EXOC4: variants seen among roughly 807,000 people sequenced by gnomAD.
EXOC4 encodes SEC8-like 1.
A neutral mutation model predicts 107.2 loss-of-function variants in EXOC4; 71 were observed. The observed-to-expected ratio is 0.66, with a 90% CI of 0.55 to 0.81. The LOEUF (loss-of-function observed/expected upper bound fraction) is 0.81, where lower values mean the gene tolerates loss of function less well. Ranked by LOEUF, EXOC4 falls within the 30% of genes least tolerant of loss-of-function variation. The probability of loss-of-function intolerance (pLI) is 0.00; values close to 1 mark genes in which losing one functional copy is unlikely to be tolerated. For missense variants in EXOC4, 1,108 were observed against 1,189.6 expected (o/e 0.93, Z 1.01); for synonymous variants, 456 against 441.2 (o/e 1.03, Z -0.42).
At chr7:133,948,044 C>G (rs191758216) in intron 14 of EXOC4, among the ~76,000 whole-genome samples, 1 of 152,276 alleles carries the variant, frequency 6.6e-6, no homozygotes, top group African/African-American at 2.4e-5. Context: ...AGAGCCTGAG[C>G]CGACACCCAG....
intron 10 of EXOC4, among the ~76,000 whole-genome samples, chr7:133,769,535 G>C (rs1796204099): frequency 6.6e-6 from 1 of 151,590 alleles, no homozygotes; most frequent in South Asian, 2.1e-4. Context: ...GCTGTGCCTT[G>C]AGCCATGTAG....
chr7:134,071,381 C>A (rs570164184), downstream of EXOC4, among the ~76,000 whole-genome samples: 9 of 152,270 alleles, frequency 5.9e-5, no homozygotes, highest in African/African-American at 2.2e-4. Flanking sequence ...GACTTTATTT[C>A]AGGAAGCCAG....
chr7:133,522,476 A>G (rs909911741), intron 9 of EXOC4, among the ~76,000 whole-genome samples: 1 of 152,156 alleles, frequency 6.6e-6, no homozygotes, highest in Non-Finnish European at 1.5e-5. Context: ...TTCATTTTGT[A>G]TGGAACTCTT....
intron 10 of EXOC4, among the ~76,000 whole-genome samples, chr7:133,721,518 A>G (rs1040134229): frequency 1.3e-5 from 2 of 152,218 alleles, no homozygotes; most frequent in Non-Finnish European, 2.9e-5. Context: ...GACATAGGCC[A>G]GTTTAAGATT....
At chr7:133,500,967 A>G (rs1271626261) in intron 9 of EXOC4, among the ~76,000 whole-genome samples, 1 of 152,210 alleles carries the variant, frequency 6.6e-6, no homozygotes, top group Non-Finnish European at 1.5e-5. Flanking sequence ...CATGTCTTTT[A>G]GAATAACTTG....
chr7:133,563,615 T>C (rs998366390), intron 9 of EXOC4, among the ~76,000 whole-genome samples: 1 of 152,200 alleles, frequency 6.6e-6, no homozygotes, highest in African/African-American at 2.4e-5. Flanking sequence ...TGTAGCCTAG[T>C]TATGTGTAGC....
intron 11 of EXOC4, among the ~76,000 whole-genome samples, chr7:133,876,466 AG>A (rs1437654255): frequency 6.6e-6 from 1 of 152,124 alleles, no homozygotes; most frequent in Non-Finnish European, 1.5e-5. Context: ...TATGTTTCTT[AG>A]CTTAGCTTTT....
At chr7:133,980,716 G>A (rs911817880) in intron 14 of EXOC4, among the ~76,000 whole-genome samples, 3 of 152,124 alleles carry the variant, frequency 2.0e-5, no homozygotes, top group African/African-American at 7.2e-5. Context: ...TCTCCATGTA[G>A]CTTACTCTCA....
chr7:133,424,222 C>T (rs1447513765), intron 7 of EXOC4, among the ~76,000 whole-genome samples: 2 of 152,158 alleles, frequency 1.3e-5, no homozygotes, highest in Non-Finnish European at 2.9e-5. Context: ...TGCTGCTGCT[C>T]ACTCTTTGGG....
chr7:133,271,582 G>C (rs1218989692), intron 1 of EXOC4, among the ~76,000 whole-genome samples: 1 of 152,206 alleles, frequency 6.6e-6, no homozygotes, highest in Non-Finnish European at 1.5e-5. Context: ...GGGCAGATGT[G>C]TTTCCAGTCC....
chr7:133,965,553 C>T (rs914933439), intron 14 of EXOC4, among the ~76,000 whole-genome samples: 4 of 152,124 alleles, frequency 2.6e-5, no homozygotes, highest in Admixed American at 6.5e-5. Context: ...ATATGGCTGC[C>T]AGTTTTCCCA....
At chr7:133,751,412 C>G (rs1795790988) in intron 10 of EXOC4, among the ~76,000 whole-genome samples, 1 of 152,098 alleles carries the variant, frequency 6.6e-6, no homozygotes, top group South Asian at 2.1e-4. Flanking sequence ...ACACATAGCC[C>G]AAAATAGTTT....
chr7:134,038,468 C>T (rs17167401), intron 17 of EXOC4, among the ~76,000 whole-genome samples: 23,113 of 152,046 alleles, frequency 0.15, 2,086 homozygotes, highest in East Asian at 0.42. Context: ...GTTGGACTCT[C>T]GTTTCTTTTA....
intron 10 of EXOC4, among the ~76,000 whole-genome samples, chr7:133,675,818 G>A (rs1794044674): frequency 6.6e-6 from 1 of 152,050 alleles, no homozygotes; most frequent in Admixed American, 6.5e-5. Flanking sequence ...TTCCTTTGTT[G>A]GACAGCTTTA....
chr7:134,092,827 G>A, the EXOC4 span, among the ~76,000 whole-genome samples: 22 of 150,824 alleles, frequency 1.5e-4, no homozygotes, highest in African/African-American at 4.9e-4. Context: ...AGAGGCTGAG[G>A]CAGGAGAATT....
chr7:133,945,380 C>T (rs1330994326), intron 14 of EXOC4, among the ~76,000 whole-genome samples: 1 of 152,144 alleles, frequency 6.6e-6, no homozygotes, highest in Non-Finnish European at 1.5e-5. Flanking sequence ...ATTATTTTGC[C>T]AGTTCTTCTA....
In EXOC4 at chr7:133,670,457, G is replaced by A. The variant is rs184004391; in HGVS notation, c.1514+40316G>A. Among the ~76,000 whole-genome samples, 321 of 152,276 alleles carry A rather than the reference G, an allele frequency of 2.1e-3. 1 individual carries two copies. Among genetic ancestry groups the A allele is most frequent in the Non-Finnish European group, 2.6e-3 (179 of 68,018 alleles). On this transcript the variant is annotated intron_variant, in intron 10 of 17. Transcript: ENST00000253861. Reference sequence around the variant, plus strand: ...TGCATGCTCTTGGCCTATTGCTAACGAGCAGGCAGAGAAACAGCAGCAGTA... The same window carrying A: ...TGCATGCTCTTGGCCTATTGCTAACAAGCAGGCAGAGAAACAGCAGCAGTA...
chr7:133,300,518 A>G (rs1794618870), intron 3 of EXOC4, among the ~76,000 whole-genome samples: 1 of 152,188 alleles, frequency 6.6e-6, no homozygotes, highest in Non-Finnish European at 1.5e-5. Context: ...CACCATTTGT[A>G]CATGAAGTCC....
intron 17 of EXOC4, among the ~76,000 whole-genome samples, chr7:134,046,347 G>T (rs1236388641): frequency 6.6e-6 from 1 of 151,902 alleles, no homozygotes; most frequent in Non-Finnish European, 1.5e-5. Flanking sequence ...TCAGGCGTGG[G>T]TAGTCCCAGC....
Sources: gnomAD v4.1 joint callset for allele counts (sites outside exome capture counted in the v4.1 genomes callset) on GRCh38, gnomAD v4.1.1 for gene constraint, MANE v1.5 for transcripts, NCBI Gene and HGNC (gene_info 2026-07-23, HGNC 2026-07-21) for gene names.